Variants in SPEF2 observed in about 807,000 individuals in gnomAD.
SPEF2 encodes the protein sperm flagellar and cilia associated 2.
Under a neutral mutation model 224.6 loss-of-function variants are expected in SPEF2, and 187 were observed. The ratio of observed to expected loss-of-function variants is 0.83; its 90% confidence interval spans 0.74 to 0.94. The LOEUF (loss-of-function observed/expected upper bound fraction) is 0.94. SPEF2 is among the 40% of genes least tolerant of loss of function. The pLI, the probability that SPEF2 is intolerant of heterozygous loss-of-function variation, is 0.00. For synonymous variants in SPEF2, 715 were observed against 707.3 expected, an observed-to-expected ratio of 1.01 and a Z score of -0.17; for missense variants, 2,170 against 2,135.6, an observed-to-expected ratio of 1.02 and a Z score of -0.32.
chr5:35,771,744 A>G lies in SPEF2; in HGVS notation c.3937A>G (p.Lys1313Glu), dbSNP rs752316325. 4.5e-5 allele frequency: 71 copies of G among 1,589,520 alleles called. No homozygotes were observed. In the East Asian group the frequency reaches 1.5e-3, roughly 34 times the overall value. The change falls in exon 27 of 37, where the codon AAA (lysine) becomes GAA (glutamate). Residue 1313 changes from lysine (K) to glutamate (E), a missense_variant. Lys to Glu is a moderately conservative substitution (Grantham distance 56). Transcript: ENST00000356031. ...KEPPKKKQEDKKPKGKSPPMA... is the reference protein window; with the variant it reads ...KEPPKKKQEDEKPKGKSPPMA... ...GCCACCCAAGAAAAAACAGGAAGAC[A>G]AAAAACCCAAAGGTATTTATGGTTT...
intron 16 of SPEF2, among the ~76,000 whole-genome samples, 200 bp from the exon 17 acceptor site, chr5:35,704,354 T>A (rs886914240): frequency 6.6e-6 from 1 of 152,176 alleles, no homozygotes; most frequent in African/African-American, 2.4e-5. Context: ...TAATGTTTAC[T>A]TATTTTCCCC....
chr5:35,801,768 A>T (rs1757454842), intron 34 of SPEF2, among the ~76,000 whole-genome samples: 1 of 151,970 alleles, frequency 6.6e-6, no homozygotes, highest in Non-Finnish European at 1.5e-5. Flanking sequence ...CCCCTACAAG[A>T]TACTCCTCAC....
intron 10 of SPEF2, among the ~76,000 whole-genome samples, chr5:35,690,086 CTTT>C (rs1372104250): frequency 1.3e-5 from 2 of 151,754 alleles, no homozygotes; most frequent in African/African-American, 4.8e-5. Context: ...TATTTTCCTT[CTTT>C]TTTATTTTAT....
At chr5:35,621,415 G>A (rs532629112) in intron 1 of SPEF2, among the ~76,000 whole-genome samples, 1 of 152,130 alleles carries the variant, frequency 6.6e-6, no homozygotes, top group African/African-American at 2.4e-5. Context: ...TTTGTTCAAG[G>A]TCTTACAGCT....
chr5:35,761,176 A>G (rs1430269067), intron 25 of SPEF2, among the ~76,000 whole-genome samples: 3 of 152,160 alleles, frequency 2.0e-5, no homozygotes, highest in East Asian at 1.9e-4. Context: ...GATAATGAAT[A>G]TATTTTGAAG....
intron 20 of SPEF2, among the ~76,000 whole-genome samples, chr5:35,721,521 C>A (rs778528261): frequency 6.6e-6 from 1 of 152,304 alleles, no homozygotes; most frequent in Non-Finnish European, 1.5e-5. Flanking sequence ...ACCCAAAAAG[C>A]AGTCTGTAAC....
chr5:35,641,095 G>T (rs184467842), intron 2 of SPEF2, among the ~76,000 whole-genome samples: 1 of 152,252 alleles, frequency 6.6e-6, no homozygotes, highest in African/African-American at 2.4e-5. Flanking sequence ...GCCACTACCT[G>T]AATGCAATCT....
At chr5:35,621,947 T>C (rs1036333484) in intron 1 of SPEF2, among the ~76,000 whole-genome samples, 1 of 152,238 alleles carries the variant, frequency 6.6e-6, no homozygotes, top group Non-Finnish European at 1.5e-5. Context: ...TTCAATAGTA[T>C]TTTCCAATGT....
At chr5:35,773,615 CTG>C (rs1268476321) in intron 27 of SPEF2, among the ~76,000 whole-genome samples, 3 of 152,142 alleles carry the variant, frequency 2.0e-5, no homozygotes, top group African/African-American at 7.2e-5. Flanking sequence ...TGTTTGGAAA[CTG>C]TAACCATTTT....
intron 26 of SPEF2, 65 bp downstream of exon 26, chr5:35,763,767 A>G: frequency 7.2e-7 from 1 of 1,398,326 alleles, no homozygotes; most frequent in Admixed American, 2.8e-5. Context: ...GGTTGGTAAT[A>G]TGCTATAAGT....
chr5:35,629,900 A>G (rs1233851826), intron 2 of SPEF2, among the ~76,000 whole-genome samples: 1 of 152,160 alleles, frequency 6.6e-6, no homozygotes, highest in Non-Finnish European at 1.5e-5. Flanking sequence ...TTTTCTCAAT[A>G]ATTTCGATTA....
chr5:35,803,762 C>A (rs1202504174), intron 34 of SPEF2, among the ~76,000 whole-genome samples: 3 of 152,216 alleles, frequency 2.0e-5, no homozygotes, highest in Non-Finnish European at 4.4e-5. Flanking sequence ...CACTCCCAAG[C>A]CATTCAATCA....
chr5:35,800,035 T>G lies in SPEF2; in HGVS notation c.4898T>G (p.Leu1633Arg). 6.2e-7 allele frequency: 1 copy of G among 1,614,130 alleles called. No individual in the cohort carries two copies. Residue 1633 changes from leucine (L) to arginine (R), a missense_variant, in exon 34 of 37, where the codon CTT (leucine) becomes CGT (arginine). Transcript: ENST00000356031. ...CAGCTTGACTACACACAGATGCTGC[T>G]TTACTTTGCTTGCCACCCAGACACC... ...PPQLDYTQML[L>R]YFACHPDTVE...
At position 35,678,164 on chromosome 5, in the gene SPEF2, G is replaced by C. The variant is rs149706915; in HGVS notation, c.1524+7937G>C. ...GCTAAAATTAAACATGCCTGTTTTC[G>C]TACCATTAGATTAGGGCAGACTGAG... On this transcript the variant is annotated intron_variant, in intron 10 of 36. Coordinates refer to ENST00000356031, the MANE Select transcript of SPEF2 (RefSeq NM_024867.4). Among the ~76,000 whole-genome samples, 38 of 152,308 alleles carry C rather than the reference G, an allele frequency of 2.5e-4. No homozygotes were observed. The East Asian group carries it at 6.4e-3, about 26-fold the overall frequency.
chr5:35,624,818 G>T (rs1401809338), intron 1 of SPEF2, among the ~76,000 whole-genome samples: 1 of 152,116 alleles, frequency 6.6e-6, no homozygotes, highest in African/African-American at 2.4e-5. Context: ...TGTATTTTTA[G>T]TAGAGACAGG....
At chr5:35,774,381 G>T (rs951472739) in intron 28 of SPEF2, among the ~76,000 whole-genome samples, 3 of 152,132 alleles carry the variant, frequency 2.0e-5, no homozygotes, top group Non-Finnish European at 4.4e-5. Context: ...GGTTTAGATA[G>T]GGACTACCTA....
chr5:35,679,421 C>G (rs1752475768), intron 10 of SPEF2, among the ~76,000 whole-genome samples: 1 of 152,114 alleles, frequency 6.6e-6, no homozygotes. Context: ...GAAAACAAAG[C>G]TGGCAGGTTG....
chr5:35,715,412 G>A (rs1742350553), intron 20 of SPEF2, among the ~76,000 whole-genome samples: 1 of 151,756 alleles, frequency 6.6e-6, no homozygotes, highest in South Asian at 2.1e-4. Flanking sequence ...ACTTAACATA[G>A]CAGTGGAGGT....
At chr5:35,685,861 CA>C (rs374830821) in intron 10 of SPEF2, among the ~76,000 whole-genome samples, 4,503 of 130,722 alleles carry the variant, frequency 0.034, 188 homozygotes, top group African/African-American at 0.1. Context: ...ATACCTTCCT[CA>C]AAAAAAAAAA....
Sources: gnomAD v4.1 joint callset for allele counts (sites outside exome capture counted in the v4.1 genomes callset) on GRCh38, gnomAD v4.1.1 for gene constraint, MANE v1.5 for transcripts, NCBI Gene and HGNC (gene_info 2026-07-23, HGNC 2026-07-21) for gene names.